Variants in FSIP1 observed in about 807,000 individuals in gnomAD.
FSIP1 encodes the protein fibrous sheath-interacting protein 1.
A neutral mutation model predicts 60.9 loss-of-function variants in FSIP1; 65 were observed. That is an observed-to-expected ratio of 1.07 (90% CI 0.87 to 1.31). The LOEUF (loss-of-function observed/expected upper bound fraction) is 1.31, where lower values mean the gene tolerates loss of function less well. FSIP1 is among the 40% of genes most tolerant of loss of function. The pLI, the probability that FSIP1 is intolerant of heterozygous loss-of-function variation, is 0.00. For missense variants in FSIP1, 675 were observed against 665.5 expected (o/e 1.01, Z -0.16); for synonymous variants, 209 against 221.2 (o/e 0.94, Z 0.49).
rs747790598 is a variant in FSIP1 at position 39,617,902 on chromosome 15, T to C, written c.1532A>G (p.Lys511Arg). 6.2e-6 allele frequency: 10 copies of C among 1,614,060 alleles called. No homozygotes were observed. The highest frequency in any genetic ancestry group is 1.6e-4 in the Middle Eastern group (1 of 6,084). Residue 511 changes from lysine (K) to arginine (R), a missense_variant, in exon 11 of 12, where the codon AAG (lysine) becomes AGG (arginine). Transcript: ENST00000350221. ...AENMKCLQFS[K>R]DVIISDTKDY... Reference sequence around the variant, plus strand: ...TTTTGTGTCACTAATAATAACGTCCTTGGAAAATTGAAGGCATTTCATATT... The same window carrying C: ...TTTTGTGTCACTAATAATAACGTCCCTGGAAAATTGAAGGCATTTCATATT...
At chr15:39,709,739 A>G (rs72727047) in intron 10 of FSIP1, among the ~76,000 whole-genome samples, 18,880 of 152,152 alleles carry the variant, frequency 0.12, 1,400 homozygotes, top group African/African-American at 0.2. Flanking sequence ...CACAAGGAGC[A>G]TGCAAACTAG....
At chr15:39,644,824 CAAAGGTTGAGAAAATAAAATGATTTAAT>C (rs1892527165) in intron 10 of FSIP1, among the ~76,000 whole-genome samples, 1 of 152,110 alleles carries the variant, frequency 6.6e-6, no homozygotes, top group Non-Finnish European at 1.5e-5. Context: ...CGGCTGCCAT[CAAAGGTTGAGAAAATAAAATGATTTAAT>C]TCAAGTTTTC....
intron 9 of FSIP1, among the ~76,000 whole-genome samples, chr15:39,722,298 A>T (rs1896013532): frequency 6.6e-6 from 1 of 152,002 alleles, no homozygotes; most frequent in Admixed American, 6.6e-5. Context: ...GCTCCCACTG[A>T]GTCTACATTA....
chr15:39,742,675 C>T (rs1027091520), intron 5 of FSIP1, among the ~76,000 whole-genome samples: 6 of 152,176 alleles, frequency 3.9e-5, no homozygotes, highest in Non-Finnish European at 8.8e-5. Context: ...AAACCAAGTT[C>T]AGACACCCTC....
chr15:39,652,533 T>C (rs1892912793), intron 10 of FSIP1, among the ~76,000 whole-genome samples: 1 of 152,240 alleles, frequency 6.6e-6, no homozygotes, highest in Non-Finnish European at 1.5e-5. Flanking sequence ...AAAGATTTCA[T>C]CTACCTAAAC....
chr15:39,735,646 T>C (rs1184444214), intron 8 of FSIP1, among the ~76,000 whole-genome samples: 5 of 152,126 alleles, frequency 3.3e-5, no homozygotes, highest in African/African-American at 4.8e-5. Flanking sequence ...TATTTTTCTT[T>C]ATTTAATAAT....
intron 10 of FSIP1, among the ~76,000 whole-genome samples, chr15:39,649,112 G>A (rs936254462): frequency 6.6e-6 from 1 of 152,122 alleles, no homozygotes; most frequent in Non-Finnish European, 1.5e-5. Context: ...GACTGGACAC[G>A]ATTTCAGTCT....
At chr15:39,644,941 T>C (rs1456519747) in intron 10 of FSIP1, among the ~76,000 whole-genome samples, 2 of 152,220 alleles carry the variant, frequency 1.3e-5, no homozygotes, top group African/African-American at 4.8e-5. Context: ...GCAGTTATAG[T>C]CAAAAGAAAC....
At chr15:39,700,469 T>G (rs1314389361) in intron 10 of FSIP1, among the ~76,000 whole-genome samples, 2 of 152,264 alleles carry the variant, frequency 1.3e-5, no homozygotes, top group African/African-American at 4.8e-5. Context: ...TTGCATTGAA[T>G]TAAATCTGGA....
chr15:39,771,693 G>A (rs143311042), intron 2 of FSIP1, among the ~76,000 whole-genome samples: 120 of 152,292 alleles, frequency 7.9e-4, no homozygotes, highest in Non-Finnish European at 1.6e-3. Flanking sequence ...GAAGAAAACA[G>A]ACCTAGCAGA....
intron 11 of FSIP1, chr15:39,602,433 G>A (rs939255120): frequency 2.2e-6 from 1 of 451,460 alleles, no homozygotes; most frequent in Non-Finnish European, 4.4e-6. Context: ...TTTCTGTCAT[G>A]GTAAGTTGTT....
chr15:39,754,186 C>T (rs958463547), intron 5 of FSIP1, among the ~76,000 whole-genome samples: 5 of 151,944 alleles, frequency 3.3e-5, no homozygotes, highest in Non-Finnish European at 7.4e-5. Context: ...GGTCTCCAAC[C>T]CAAAGGCAGC....
At chr15:39,726,449 TG>T in intron 9 of FSIP1, 139 bp downstream of exon 9, 4 of 756,058 alleles carry the variant, frequency 5.3e-6, no homozygotes, top group Non-Finnish European at 8.6e-6. Flanking sequence ...GAGTAGAAAG[TG>T]GAAGTAACCA....
chr15:39,646,479 T>C (rs1376488110), intron 10 of FSIP1, among the ~76,000 whole-genome samples: 2 of 124,876 alleles, frequency 1.6e-5, no homozygotes, highest in African/African-American at 6.6e-5. Flanking sequence ...AGGCCAGGAG[T>C]TCGAGACAGG....
At chr15:39,676,725 G>A (rs2140479112) in intron 10 of FSIP1, among the ~76,000 whole-genome samples, 1 of 152,276 alleles carries the variant, frequency 6.6e-6, no homozygotes, top group East Asian at 1.9e-4. Context: ...CTATTGTCCT[G>A]AAAACTGGAA....
At chr15:39,642,452 T>C (rs899685810) in intron 10 of FSIP1, among the ~76,000 whole-genome samples, 1 of 152,210 alleles carries the variant, frequency 6.6e-6, no homozygotes, top group Admixed American at 6.5e-5. Context: ...GGGGCGGCTC[T>C]TAGCAGCCTG....
chr15:39,655,308 AT>A (rs1030399277), intron 10 of FSIP1, among the ~76,000 whole-genome samples: 7 of 152,216 alleles, frequency 4.6e-5, no homozygotes, highest in African/African-American at 1.7e-4. Context: ...GATATACACC[AT>A]CCCCCTCCTC....
At chr15:39,723,277 G>A (rs1475690770) in intron 9 of FSIP1, among the ~76,000 whole-genome samples, 1 of 152,192 alleles carries the variant, frequency 6.6e-6, no homozygotes, top group Non-Finnish European at 1.5e-5. Flanking sequence ...CCTCCAGGCT[G>A]GAGTACAGTG....
At chr15:39,691,104 A>C (rs1180938349) in intron 10 of FSIP1, among the ~76,000 whole-genome samples, 2 of 152,098 alleles carry the variant, frequency 1.3e-5, no homozygotes, top group Non-Finnish European at 1.5e-5. Flanking sequence ...TCTCGCCACC[A>C]ATTTCCTGTC....
Sources: gnomAD v4.1 joint callset for allele counts (sites outside exome capture counted in the v4.1 genomes callset) on GRCh38, gnomAD v4.1.1 for gene constraint, MANE v1.5 for transcripts, NCBI Gene and HGNC (gene_info 2026-07-23, HGNC 2026-07-21) for gene names.